Variants in CTC1 observed in about 807,000 individuals in gnomAD.
CTC1 encodes the protein CST telomere replication complex component 1.
Under a neutral mutation model 136.3 loss-of-function variants are expected in CTC1, and 91 were observed. The ratio of observed to expected loss-of-function variants is 0.67; its 90% CI spans 0.56 to 0.79. The LOEUF (loss-of-function observed/expected upper bound fraction) is 0.79, where lower values mean the gene tolerates loss of function less well. Among genes scored for constraint, CTC1 ranks in the 30% least tolerant of loss-of-function variants. The probability of loss-of-function intolerance (pLI) is 0.00; values close to 1 mark genes in which losing one functional copy is unlikely to be tolerated. For synonymous variants in CTC1, 606 were observed against 613.8 expected (o/e 0.99, Z 0.19); for missense variants, 1,432 against 1,498.1 (o/e 0.96, Z 0.73).
At position 8,227,102 on chromosome 17, in the gene CTC1, G is replaced by C. The variant is rs1177926912; in HGVS notation, c.*1078C>G. 6.6e-6 allele frequency: 1 copy of C among 150,462 alleles called. No homozygotes were observed. The highest frequency in any genetic ancestry group is 1.5e-5 in the Non-Finnish European group (1 of 68,032). 9.3% of individuals were successfully genotyped at this position (150,462 alleles called of 1,614,324 possible). A position where few individuals can be genotyped will look rare whatever the true frequency, so the allele number is the denominator to read the frequency against. On this transcript the variant is annotated 3_prime_UTR_variant, in exon 23 of 23. Coordinates refer to ENST00000651323, the MANE Select transcript of CTC1 (RefSeq NM_025099.6). ...GGTCTACTTCAAATCTTAATATAGGGTATTGCTACCATAAAAGCAGCATAA... is the reference window on the plus strand; with the variant it reads ...GGTCTACTTCAAATCTTAATATAGGCTATTGCTACCATAAAAGCAGCATAA...
Position 8,236,143 on chromosome 17 carries a change from G to C in CTC1, c.992C>G (p.Pro331Arg), listed in dbSNP as rs765673141. The C allele has an allele frequency of 5.6e-6, 9 of 1,614,168 alleles. No individual in the cohort carries two copies. In the Admixed American group the frequency reaches 1.0e-4, roughly 18 times the overall value. ...GTTGCTGGGCATGGGGAGTGGCTTG[G>C]GGTCAGCCTCTAAGAGGGGTCCTTC... ...ELEGPLLEAD[P>R]KPLPMPSNSE... The change falls in exon 6 of 23, where the codon CCC (proline) becomes CGC (arginine). Residue 331 changes from proline to arginine, a missense_variant. Coordinates refer to ENST00000651323, the MANE Select transcript of CTC1 (RefSeq NM_025099.6).
intron 4 of CTC1, 86 bp downstream of exon 4, chr17:8,237,945 A>G (rs1252399135): frequency 4.8e-6 from 5 of 1,043,338 alleles, no homozygotes; most frequent in Non-Finnish European, 4.3e-6. Flanking sequence ...ATTACTATCA[A>G]TGCCCTTTTC....
chr17:8,246,352 T>C (rs1248758065), intron 1 of CTC1, among the ~76,000 whole-genome samples: 1 of 152,212 alleles, frequency 6.6e-6, no homozygotes, highest in Non-Finnish European at 1.5e-5. Flanking sequence ...TGATTGTTCC[T>C]GTATGTCTAC....
rs769461004 is a variant in CTC1, at chr17:8,231,258, G to A, written c.2669+18C>T. 6.6e-7 allele frequency: 1 copy of A among 1,503,876 alleles called. No homozygotes were observed. Among genetic ancestry groups the A allele is most frequent in the Non-Finnish European group, 8.9e-7 (1 of 1,118,598 alleles). 93.2% of individuals were successfully genotyped at this position (1,503,876 alleles called of 1,614,324 possible). A position where few individuals can be genotyped will look rare whatever the true frequency, so the allele number is the denominator to read the frequency against. On this transcript the variant is annotated intron_variant, in intron 15 of 22. Transcript: ENST00000651323. ...AGAGAGTGGCCAAATTAACCAGAGG[G>A]GCTTGGTGGACATTTACTTGTCACT... is the stretch of plus-strand genomic sequence containing the variant.
At chr17:8,235,605 C>T (rs1223903098) in intron 7 of CTC1, among the ~76,000 whole-genome samples, 2 of 151,508 alleles carry the variant, frequency 1.3e-5, no homozygotes. Flanking sequence ...GCTGAAAGGC[C>T]CTTCTGTGAA....
Position 8,228,744 on chromosome 17 carries a change from G to A in CTC1, c.3370C>T (p.Pro1124Ser), listed in dbSNP as rs1194940746. 6.2e-7 allele frequency: 1 copy of A among 1,614,014 alleles called. No homozygotes were observed. The part of the protein sequence containing the change: ...PGRVVLQFAG[P>S]GAQLESSARV... ...CATTACACCTCAAGTTGGGCTCCAG[G>A]CCCTGCAAACTGCAAGACCACTCTG... is the stretch of plus-strand genomic sequence containing the variant. Residue 1124 changes from proline (P) to serine (S), a missense_variant, in exon 21 of 23, where the codon CCT becomes TCT. Pro to Ser is a moderately conservative substitution (Grantham distance 74, BLOSUM62 -1). Transcript: ENST00000651323.
chr17:8,226,675 C>T lies in CTC1; in HGVS notation c.*1505G>A, dbSNP rs984259796. The T allele has an allele frequency of 4.6e-5, 7 of 152,214 alleles. No individual in the cohort carries two copies. The highest frequency in any genetic ancestry group is 1.0e-4 in the Non-Finnish European group (7 of 68,044). 9.4% of individuals were successfully genotyped at this position (152,214 alleles called of 1,614,324 possible). On this transcript the variant is annotated 3_prime_UTR_variant, in exon 23 of 23. Coordinates refer to ENST00000651323, the MANE Select transcript of CTC1 (RefSeq NM_025099.6). ...TGGATTTCTAGTCCATCGCCTTAAC[C>T]ACTCGGCCACGACTACGAGGCTTAG...
At chr17:8,230,707 G>A (rs931670429) in intron 15 of CTC1, 56 bp from the exon 16 acceptor site, 1 of 1,460,726 alleles carries the variant, frequency 6.8e-7, no homozygotes. Flanking sequence ...ACAGAGTGGA[G>A]ACAGTCAGAT....
chr17:8,244,747 G>A (rs983640385), intron 1 of CTC1, among the ~76,000 whole-genome samples: 10 of 151,810 alleles, frequency 6.6e-5, no homozygotes, highest in African/African-American at 2.2e-4. Flanking sequence ...AGCTAGTTTC[G>A]AACTCCTGAA....
At position 8,229,126 on chromosome 17, in the gene CTC1, C is replaced by A. The variant is rs372958727; in HGVS notation, c.3221+16G>T. 1.2e-6 allele frequency: 2 copies of A among 1,612,794 alleles called. No homozygotes were observed. The highest frequency in any genetic ancestry group is 1.3e-5 in the African/African-American group (1 of 74,994). On this transcript the variant is annotated intron_variant, in intron 20 of 22. Coordinates refer to ENST00000651323, the MANE Select transcript of CTC1 (RefSeq NM_025099.6). ...ATAAGTAAATGGCACAATGGGTGCA[C>A]GCCTTGTGCTCTCACCTGATGATGG...
rs373905859 is a variant in CTC1, at chr17:8,231,427, G to A, written c.2518C>T (p.Arg840Trp). Residue 840 changes from arginine to tryptophan, a missense_variant, in exon 15 of 23, where the codon CGG becomes TGG. Transcript: ENST00000651323. ...FEKDGSSCIS[R>W]RPLELAGCAS... ...CAGCCAGCCAACTCCAGAGGACGCC[G>A]AGATATGCAGGATGAACCATCCTTT... The A allele has an allele frequency of 3.5e-5, 56 of 1,613,058 alleles. No homozygotes were observed. Among genetic ancestry groups the A allele is most frequent in the Middle Eastern group, 1.7e-4 (1 of 5,912 alleles).
In CTC1 at chr17:8,230,469, C is replaced by T. The variant is rs933599391; in HGVS notation, c.2759-1G>A. 1.2e-6 allele frequency: 2 copies of T among 1,613,700 alleles called. No homozygotes were observed. The highest frequency in any genetic ancestry group is 2.7e-5 in the African/African-American group (2 of 74,898). On this transcript the variant is annotated splice_acceptor_variant, in intron 16 of 22. Coordinates refer to ENST00000651323, the MANE Select transcript of CTC1 (RefSeq NM_025099.6). LOFTEE classifies it high-confidence loss of function. Reference sequence around the variant, plus strand: ...CACCTTCTCATGGCCCCCGTGTTCCCTATAGAAGGAAGGTGGGTGTTAGTA... The same window carrying T: ...CACCTTCTCATGGCCCCCGTGTTCCTTATAGAAGGAAGGTGGGTGTTAGTA...
intron 1 of CTC1, among the ~76,000 whole-genome samples, chr17:8,245,182 C>T (rs1005014391): frequency 6.6e-6 from 1 of 152,138 alleles, no homozygotes; most frequent in Non-Finnish European, 1.5e-5. Flanking sequence ...AAAAAATACC[C>T]ATCAAGTACT....
At chr17:8,231,873 A>G in intron 13 of CTC1, 30 bp downstream of exon 13, 1 of 1,613,090 alleles carries the variant, frequency 6.2e-7, no homozygotes, top group Non-Finnish European at 8.5e-7. Context: ...GGCGCAGGTC[A>G]GGTCCTGGGT....
chr17:8,225,650 C>T lies in CTC1; in HGVS notation c.*2530G>A, dbSNP rs780560618. 1.7e-4 allele frequency: 26 copies of T among 152,168 alleles called. No individual in the cohort carries two copies. The highest frequency in any genetic ancestry group is 3.4e-4 in the Non-Finnish European group (23 of 68,084). 9.4% of individuals were successfully genotyped at this position (152,168 alleles called of 1,614,324 possible). On this transcript the variant is annotated 3_prime_UTR_variant, in exon 23 of 23. Transcript: ENST00000651323. ...CTCAGCCCTTCTGCACCCTGCTGCA[C>T]GAAACCTGGTGCCAGGCCAGGCCAG...
In CTC1 at chr17:8,226,955, C is replaced by T. The variant is rs914924898; in HGVS notation, c.*1225G>A. 2.5e-4 allele frequency: 38 copies of T among 152,364 alleles called. No homozygotes were observed. Among genetic ancestry groups the T allele is most frequent in the African/African-American group, 8.7e-4 (36 of 41,508 alleles). 9.4% of individuals were successfully genotyped at this position (152,364 alleles called of 1,614,324 possible). Reference sequence around the variant, plus strand: ...AAACTTCCGGATAACAGCAGAGGGTCAGAAAACAAAACACACACAAAAAAA... The same window carrying T: ...AAACTTCCGGATAACAGCAGAGGGTTAGAAAACAAAACACACACAAAAAAA... On this transcript the variant is annotated 3_prime_UTR_variant, in exon 23 of 23. Coordinates refer to ENST00000651323, the MANE Select transcript of CTC1 (RefSeq NM_025099.6).
intron 2 of CTC1, among the ~76,000 whole-genome samples, chr17:8,241,005 TG>T (rs980691875): frequency 2.0e-5 from 3 of 151,840 alleles, no homozygotes; most frequent in African/African-American, 7.3e-5. Flanking sequence ...ATATACACTA[TG>T]GGCCGGGCGC....
At position 8,238,033 on chromosome 17, in the gene CTC1, G is replaced by A; in HGVS notation, c.645C>T (p.Leu215=). 1.2e-6 allele frequency: 2 copies of A among 1,611,846 alleles called. No homozygotes were observed. The highest frequency in any genetic ancestry group is 1.7e-6 in the Non-Finnish European group (2 of 1,178,318). The part of the protein sequence containing the change: ...YPESASCLLR[L]RNKLRGVQRN... ...CCATGCCTAGAGGGGGAAATTACCT[G>A]AGCCTGAGCAGGCAGGAAGCACTCT... Residue 215 remains leucine, a splice_region_variant and synonymous_variant, in exon 4 of 23, where the codon CTC becomes CTT. Coordinates refer to ENST00000651323, the MANE Select transcript of CTC1 (RefSeq NM_025099.6).
chr17:8,226,131 G>A lies in CTC1; in HGVS notation c.*2049C>T, dbSNP rs1018858580. ...GCAGCTTGACTCTGCAGGAAATGTG[G>A]GTGCTATGAGTGCAGAACAGAAACT... On this transcript the variant is annotated 3_prime_UTR_variant, in exon 23 of 23. Coordinates refer to ENST00000651323, the MANE Select transcript of CTC1 (RefSeq NM_025099.6). 37 of 152,268 alleles carry A rather than the reference G, an allele frequency of 2.4e-4. No homozygotes were observed. Among genetic ancestry groups the A allele is most frequent in the African/African-American group, 8.7e-4 (36 of 41,538 alleles). The allele number at this position is 152,268 out of a possible 1,614,324, so 9.4% of individuals were successfully genotyped here.
Sources: gnomAD v4.1 joint callset for allele counts (sites outside exome capture counted in the v4.1 genomes callset) on GRCh38, gnomAD v4.1.1 for gene constraint, MANE v1.5 for transcripts, NCBI Gene and HGNC (gene_info 2026-07-23, HGNC 2026-07-21) for gene names.